LRRTM4: variants seen among roughly 807,000 people sequenced by gnomAD.
LRRTM4 encodes leucine rich repeat transmembrane neuronal 4.
A neutral mutation model predicts 47.6 loss-of-function variants in LRRTM4; 25 were observed. That is an observed-to-expected ratio of 0.53 (90% CI 0.38 to 0.73). The LOEUF is 0.73. Ranked by LOEUF, LRRTM4 falls within the 30% of genes least tolerant of loss-of-function variation. The probability of loss-of-function intolerance (pLI) is 0.00; values close to 1 mark genes in which losing one functional copy is unlikely to be tolerated. For synonymous variants in LRRTM4, 311 were observed against 269.5 expected (o/e 1.15, Z -1.51); for missense variants, 638 against 713.4 (o/e 0.89, Z 1.20).
Position 77,518,380 on chromosome 2 carries a change from C to A in LRRTM4, c.1489G>T (p.Asp497Tyr). The change falls in exon 3 of 4, where the codon GAT becomes TAT. Residue 497 changes from aspartate to tyrosine, a missense_variant. Physicochemically the swap from Asp to Tyr is radical, Grantham distance 160 (BLOSUM62 -3). Transcript: ENST00000409884. ...GGCCCAGATCCATTAACCGATATATCCATGGTCTCAGAGTTTGTAGGCTTG... is the reference window on the plus strand; with the variant it reads ...GGCCCAGATCCATTAACCGATATATACATGGTCTCAGAGTTTGTAGGCTTG... ...DYKPTNSETM[D>Y]ISVNGSGPCT... is the part of the protein sequence containing the mutation. The A allele has an allele frequency of 6.2e-7, 1 of 1,612,876 alleles. No individual in the cohort carries two copies. Among genetic ancestry groups the A allele is most frequent in the Non-Finnish European group, 8.5e-7 (1 of 1,179,394 alleles).
At chr2:76,953,013 C>T (rs189303907) in intron 3 of LRRTM4, among the ~76,000 whole-genome samples, 95 of 151,832 alleles carry the variant, frequency 6.3e-4, no homozygotes, top group African/African-American at 2.1e-3. Context: ...GAGCAATAGA[C>T]ATTAGAGACT....
chr2:76,784,966 T>C (rs1397217387), intron 3 of LRRTM4, among the ~76,000 whole-genome samples: 1 of 152,110 alleles, frequency 6.6e-6, no homozygotes, highest in African/African-American at 2.4e-5. Flanking sequence ...CTTCAGAATG[T>C]ATCACACCAA....
intron 3 of LRRTM4, among the ~76,000 whole-genome samples, chr2:76,895,011 G>A (rs994564613): frequency 1.3e-5 from 2 of 151,314 alleles, no homozygotes; most frequent in Admixed American, 6.6e-5. Flanking sequence ...CTAAATATTA[G>A]AAATTATATT....
At chr2:77,491,076 A>G (rs185707246) in intron 3 of LRRTM4, among the ~76,000 whole-genome samples, 55 of 152,194 alleles carry the variant, frequency 3.6e-4, no homozygotes, top group Non-Finnish European at 4.9e-4. Context: ...AGAAGAGAAG[A>G]TCAGAAAGAG....
At chr2:76,847,584 T>C (rs144871914) in intron 3 of LRRTM4, among the ~76,000 whole-genome samples, 135 of 152,156 alleles carry the variant, frequency 8.9e-4, no homozygotes, top group African/African-American at 3.0e-3. Context: ...TTTTCTTATC[T>C]TTTGAATTAT....
intron 3 of LRRTM4, among the ~76,000 whole-genome samples, chr2:77,506,660 T>C (rs1678788422): frequency 6.6e-6 from 1 of 151,920 alleles, no homozygotes; most frequent in South Asian, 2.1e-4. Flanking sequence ...AAGTTATATA[T>C]TTTTGAGAGA....
intron 3 of LRRTM4, among the ~76,000 whole-genome samples, chr2:76,910,387 C>T (rs1175057132): frequency 4.6e-5 from 7 of 151,750 alleles, no homozygotes; most frequent in Non-Finnish European, 1.0e-4. Context: ...GGGAGATATA[C>T]CTAATGCTAG....
At chr2:77,502,535 AT>A (rs1678612136) in intron 3 of LRRTM4, among the ~76,000 whole-genome samples, 1 of 151,644 alleles carries the variant, frequency 6.6e-6, no homozygotes, top group Non-Finnish European at 1.5e-5. Context: ...AAGGCAGAAA[AT>A]TTTTTAAAAA....
chr2:76,797,296 G>GT (rs1464217872), intron 3 of LRRTM4, among the ~76,000 whole-genome samples: 1 of 152,018 alleles, frequency 6.6e-6, no homozygotes, highest in African/African-American at 2.4e-5. Flanking sequence ...CCAGAAGAGA[G>GT]TGGGGGCCAA....
intron 3 of LRRTM4, among the ~76,000 whole-genome samples, chr2:76,927,618 C>T (rs1442088108): frequency 1.3e-5 from 2 of 152,166 alleles, no homozygotes; most frequent in African/African-American, 2.4e-5. Context: ...ACTTGGGTTT[C>T]TGTCTCTTGC....
intron 3 of LRRTM4, among the ~76,000 whole-genome samples, chr2:76,815,472 G>T: frequency 6.6e-6 from 1 of 152,114 alleles, no homozygotes; most frequent in East Asian, 1.9e-4. Flanking sequence ...AAGAGATGAT[G>T]AAATTAATTA....
In LRRTM4 at chr2:76,950,789, C is replaced by A. The variant is rs929277581; in HGVS notation, c.1552-201873G>T. ...AGATACTCAAGAGCAGTTGTAGGTA[C>A]TTTTTAGAAAGGGTTCAGCCATATT... On this transcript the variant is annotated intron_variant, in intron 3 of 3. Transcript: ENST00000409884. 3.3e-5 allele frequency among the ~76,000 whole-genome samples: 5 copies of A among 151,884 alleles called. No individual in the cohort carries two copies. In the South Asian group the frequency reaches 1.0e-3, roughly 32 times the overall value.
intron 3 of LRRTM4, among the ~76,000 whole-genome samples, chr2:77,362,115 G>GAAAGAAAGAAAGAA (rs1332592144): frequency 3.0e-5 from 3 of 98,778 alleles, no homozygotes; most frequent in Non-Finnish European, 5.8e-5. Context: ...GAAAGAAAGA[G>GAAAGAAAGAAAGAA]AGAAAGAAAG....
rs189772914 is a variant in LRRTM4, at chr2:77,121,263, A to C, written c.1552-372347T>G. ...GGATTTGAAAGACAAAACTATATCT[A>C]ATGATTTTTATCCTCAGCTTTTCAT... On this transcript the variant is annotated intron_variant, in intron 3 of 3. Transcript: ENST00000409884. 2.4e-3 allele frequency among the ~76,000 whole-genome samples: 358 copies of C among 151,876 alleles called. 2 individuals are homozygous for C. The highest frequency in any genetic ancestry group is 3.7e-3 in the Non-Finnish European group (251 of 67,736).
At chr2:77,046,043 A>G (rs559271890) in intron 3 of LRRTM4, among the ~76,000 whole-genome samples, 2 of 152,080 alleles carry the variant, frequency 1.3e-5, no homozygotes, top group South Asian at 2.1e-4. Flanking sequence ...TGTCTTAAAG[A>G]ACATTCCACA....
At chr2:77,471,902 A>G (rs1278259180) in intron 3 of LRRTM4, among the ~76,000 whole-genome samples, 1 of 152,178 alleles carries the variant, frequency 6.6e-6, no homozygotes, top group Non-Finnish European at 1.5e-5. Context: ...TTCTGTATTT[A>G]CAACTTTGCC....
chr2:76,869,256 C>A lies in LRRTM4; in HGVS notation c.1552-120340G>T, dbSNP rs1255447714. ...CCCAGGAGGCAGAGGTTGCAGTGAG[C>A]CGAGATCACACCACTGCACTCCAGC... On this transcript the variant is annotated intron_variant, in intron 3 of 3. Coordinates refer to ENST00000409884, the MANE Select transcript of LRRTM4 (RefSeq NM_001134745.3). 2.6e-5 allele frequency among the ~76,000 whole-genome samples: 4 copies of A among 151,782 alleles called. No individual in the cohort carries two copies. The East Asian group carries it at 7.7e-4, about 29-fold the overall frequency.
chr2:76,782,154 T>C (rs1410633609), intron 3 of LRRTM4, among the ~76,000 whole-genome samples: 1 of 152,202 alleles, frequency 6.6e-6, no homozygotes, highest in East Asian at 1.9e-4. Context: ...CCACTTTAAA[T>C]AAAAGATAAA....
chr2:77,494,571 T>C (rs959164569), intron 3 of LRRTM4, among the ~76,000 whole-genome samples: 18 of 149,112 alleles, frequency 1.2e-4, no homozygotes, highest in Admixed American at 2.8e-4. Flanking sequence ...TCCCCAGATC[T>C]ATGTACTGCT....
Sources: gnomAD v4.1 joint callset for allele counts (sites outside exome capture counted in the v4.1 genomes callset) on GRCh38, gnomAD v4.1.1 for gene constraint, MANE v1.5 for transcripts, NCBI Gene and HGNC (gene_info 2026-07-23, HGNC 2026-07-21) for gene names.